The following KIAA1217 variants were observed in gnomAD, a reference collection of about 807,000 sequenced individuals.
KIAA1217 encodes the protein KIAA1217.
KIAA1217 carries 88 observed loss-of-function variants against 163.9 expected under a neutral mutation model. That is an observed-to-expected ratio of 0.54 (90% confidence interval 0.45 to 0.64). The LOEUF (loss-of-function observed/expected upper bound fraction) is 0.64. KIAA1217 is among the 30% of genes least tolerant of loss of function. The pLI is 0.00. For synonymous variants in KIAA1217, 903 were observed against 923.1 expected (o/e 0.98, Z 0.39); for missense variants, 2,372 against 2,475.0 (o/e 0.96, Z 0.88).
At chr10:23,881,679 G>T (rs538042512) in intron 1 of KIAA1217, among the ~76,000 whole-genome samples, 1 of 152,086 alleles carries the variant, frequency 6.6e-6, no homozygotes, top group Non-Finnish European at 1.5e-5. Context: ...GGTGAGTGGG[G>T]CATTATCTAC....
intron 2 of KIAA1217, among the ~76,000 whole-genome samples, chr10:24,059,450 A>AGAATTAAT (rs2060637985): frequency 6.6e-6 from 1 of 152,198 alleles, no homozygotes; most frequent in South Asian, 2.1e-4. Flanking sequence ...TGAGGGGGTT[A>AGAATTAAT]GAATTAATTC....
intron 2 of KIAA1217, among the ~76,000 whole-genome samples, chr10:24,030,742 C>A (rs1848155133): frequency 1.3e-5 from 2 of 152,178 alleles, no homozygotes; most frequent in South Asian, 2.1e-4. Flanking sequence ...ACTCTAGGAA[C>A]CTCACATAAG....
chr10:24,051,855 C>T (rs1409373309), intron 2 of KIAA1217, among the ~76,000 whole-genome samples: 2 of 152,114 alleles, frequency 1.3e-5, no homozygotes, highest in African/African-American at 4.8e-5. Flanking sequence ...GGATATCAGT[C>T]CTTTTTCAAA....
chr10:24,064,579 C>T (rs1330835116), intron 2 of KIAA1217, among the ~76,000 whole-genome samples: 5 of 152,124 alleles, frequency 3.3e-5, no homozygotes, highest in Admixed American at 6.5e-5. Flanking sequence ...CAATGTTCAT[C>T]AAGGATATTG....
At position 24,087,810 on chromosome 10, in the gene KIAA1217, T is replaced by C. The variant is rs561308885; in HGVS notation, c.-171+80436T>C. Among the ~76,000 whole-genome samples the C allele has an allele frequency of 5.9e-5, 9 of 152,390 alleles. No individual in the cohort carries two copies. The South Asian group carries it at 1.0e-3, about 18-fold the overall frequency. On this transcript the variant is annotated intron_variant, in intron 2 of 18. Transcript: ENST00000376462. ...GACTTCAGCACTCTTTCCACACTTA[T>C]GCATTCTAATCAAAGAGTTAGGGAA...
intron 2 of KIAA1217, among the ~76,000 whole-genome samples, chr10:24,237,898 A>G (rs887879876): frequency 1.3e-5 from 2 of 152,252 alleles, no homozygotes; most frequent in Non-Finnish European, 2.9e-5. Flanking sequence ...ATCTGTTGAC[A>G]GTGAACTACG....
chr10:24,083,854 C>A (rs2061609813), intron 2 of KIAA1217, among the ~76,000 whole-genome samples: 1 of 152,038 alleles, frequency 6.6e-6, no homozygotes, highest in Non-Finnish European at 1.5e-5. Flanking sequence ...ATTGACCAAG[C>A]CAAGGACCAC....
rs575127898 is a variant in KIAA1217, at chr10:24,285,603, G to T, written c.354+65694G>T. Among the ~76,000 whole-genome samples the T allele has an allele frequency of 7.5e-4, 114 of 152,220 alleles. 2 individuals are homozygous for T. The highest frequency in any genetic ancestry group is 2.6e-3 in the African/African-American group (108 of 41,532). ...TTTTGTACCAGCACCATGCTATTTT[G>T]GTTACTGTAGCCTTGTAGTATAGTT... On this transcript the variant is annotated intron_variant, in intron 2 of 20. Transcript: ENST00000376454.
At chr10:23,907,431 G>C (rs1842210529) in intron 1 of KIAA1217, among the ~76,000 whole-genome samples, 1 of 151,920 alleles carries the variant, frequency 6.6e-6, no homozygotes, top group South Asian at 2.1e-4. Flanking sequence ...AGGTGGAGAA[G>C]TCCTATGATC....
chr10:24,063,326 AG>A (rs1419617790), intron 2 of KIAA1217, among the ~76,000 whole-genome samples: 2 of 152,222 alleles, frequency 1.3e-5, no homozygotes, highest in Non-Finnish European at 2.9e-5. Context: ...ATAAGGTGTA[AG>A]GAAGGGATCC....
intron 1 of KIAA1217, among the ~76,000 whole-genome samples, chr10:23,771,172 C>CTACATAG (rs1834778625): frequency 6.6e-6 from 1 of 152,100 alleles, no homozygotes; most frequent in Non-Finnish European, 1.5e-5. Context: ...GCTTTGCCTC[C>CTACATAG]TACATAGTTC....
At chr10:23,908,327 A>G (rs1165668851) in intron 1 of KIAA1217, among the ~76,000 whole-genome samples, 3 of 151,988 alleles carry the variant, frequency 2.0e-5, no homozygotes, top group South Asian at 2.1e-4. Flanking sequence ...CCTCTTAGCT[A>G]TGCGTCCTCC....
intron 1 of KIAA1217, among the ~76,000 whole-genome samples, chr10:23,878,263 A>T (rs914537128): frequency 3.3e-5 from 5 of 151,598 alleles, no homozygotes; most frequent in African/African-American, 4.9e-5. Context: ...TGGATTTTTT[A>T]AAAAATTTCT....
At chr10:23,777,095 A>C (rs1436979512) in intron 1 of KIAA1217, among the ~76,000 whole-genome samples, 1 of 152,212 alleles carries the variant, frequency 6.6e-6, no homozygotes, top group Non-Finnish European at 1.5e-5. Context: ...AAGGATTAGA[A>C]TGTAGTTTTA....
At position 24,524,602 on chromosome 10, in the gene KIAA1217, C is replaced by A. The variant is rs571163146; in HGVS notation, c.2736C>A (p.His912Gln). ...TGAACCCTGCTCAGAACTTGCCTCACGTGGCCAGCTCCCCAGCCGTCCCCC... is the reference window on the plus strand; with the variant it reads ...TGAACCCTGCTCAGAACTTGCCTCAAGTGGCCAGCTCCCCAGCCGTCCCCC... ...ALLNPAQNLP[H>Q]VASSPAVPQE... Residue 912 changes from histidine (H) to glutamine (Q), a missense_variant, in exon 13 of 21, where the codon CAC (histidine) becomes CAA (glutamine). His to Gln is a conservative substitution (Grantham distance 24). Around this residue, in one of 3 missense-constraint regions of KIAA1217, gnomAD observed 1,431 missense variants for 1,470.3 expected, o/e 0.97. Coordinates refer to ENST00000376454, the MANE Select transcript of KIAA1217 (RefSeq NM_019590.5). 1 of 1,614,018 alleles carries A rather than the reference C, an allele frequency of 6.2e-7. No individual in the cohort carries two copies. Among genetic ancestry groups the A allele is most frequent in the Non-Finnish European group, 8.5e-7 (1 of 1,180,022 alleles).
intron 2 of KIAA1217, among the ~76,000 whole-genome samples, chr10:24,294,634 G>A (rs903167826): frequency 2.0e-5 from 3 of 152,210 alleles, no homozygotes; most frequent in African/African-American, 2.4e-5. Flanking sequence ...CTGCTCCACT[G>A]TACACTTCAA....
At chr10:24,017,693 A>G (rs72773144) in intron 2 of KIAA1217, among the ~76,000 whole-genome samples, 33,671 of 151,970 alleles carry the variant, frequency 0.22, 4,456 homozygotes, top group Middle Eastern at 0.41. Flanking sequence ...CAAAAGTAGA[A>G]CTCCTGCAAA....
chr10:24,175,850 G>A (rs1057108924), intron 2 of KIAA1217, among the ~76,000 whole-genome samples: 5 of 152,130 alleles, frequency 3.3e-5, no homozygotes, highest in Non-Finnish European at 5.9e-5. Context: ...CTCCCAGTGG[G>A]TTCATTGTCT....
At chr10:24,416,756 A>G (rs2058285575) in intron 3 of KIAA1217, among the ~76,000 whole-genome samples, 1 of 151,862 alleles carries the variant, frequency 6.6e-6, no homozygotes. Flanking sequence ...TCCTCCCTCC[A>G]GCTCCCTTCC....
Sources: allele counts gnomAD v4.1 joint callset (sites outside exome capture counted in the v4.1 genomes callset), GRCh38; gene constraint gnomAD v4.1.1; regional missense constraint gnomAD v4.1.1; transcripts MANE v1.5; gene names NCBI Gene and HGNC (gene_info 2026-07-23, HGNC 2026-07-21).